Variants in TENT5D observed in about 807,000 individuals in gnomAD.
TENT5D encodes terminal nucleotidyltransferase 5D, also known as cancer/testis antigen 112.
For missense variants in TENT5D, 191 were observed against 287.0 expected, an observed-to-expected ratio of 0.67 and a Z score of 2.42; for synonymous variants, 103 against 100.6, an observed-to-expected ratio of 1.02 and a Z score of -0.15.
intron 3 of TENT5D, among the ~76,000 whole-genome samples, chrX:80,373,868 T>C (rs1930677666): frequency 9.0e-6 from 1 of 111,572 alleles, no homozygotes; most frequent in African/African-American, 3.3e-5. Context: ...CAGGGGTACA[T>C]GTGCAGGTTT....
At chrX:80,338,102 C>A (rs1208639499) in intron 2 of TENT5D, among the ~76,000 whole-genome samples, 1 of 111,896 alleles carries the variant, frequency 8.9e-6, no homozygotes, top group Non-Finnish European at 1.9e-5. Context: ...TATATTTATT[C>A]AGATTTTTTG....
chrX:80,400,959 A>G (rs1931379679), intron 3 of TENT5D, among the ~76,000 whole-genome samples: 1 of 111,685 alleles, frequency 9.0e-6, no homozygotes, highest in African/African-American at 3.3e-5. Context: ...GAAAAGTGAC[A>G]TTGGACTTTT....
intron 3 of TENT5D, among the ~76,000 whole-genome samples, chrX:80,343,983 G>T (rs373432161): frequency 9.1e-6 from 1 of 110,240 alleles, no homozygotes; most frequent in East Asian, 2.9e-4. Flanking sequence ...CCTGGTGTCG[G>T]TTTTTCCCCT....
At chrX:80,443,299 G>A in exon 3 of TENT5D, 25 of 1,211,074 alleles carry the variant, frequency 2.1e-5, no homozygotes, top group Non-Finnish European at 2.8e-5. Context: ...CTGTATGTCA[G>A]AAATCAAAAA....
chrX:80,393,124 A>G (rs2147539205), intron 3 of TENT5D, among the ~76,000 whole-genome samples: 2 of 110,369 alleles, frequency 1.8e-5, no homozygotes, highest in Non-Finnish European at 3.8e-5. Flanking sequence ...TTGGTTGAAC[A>G]TAATGTGTCT....
chrX:80,355,212 T>C (rs1470577446), intron 3 of TENT5D, among the ~76,000 whole-genome samples: 2 of 111,690 alleles, frequency 1.8e-5, no homozygotes, highest in Non-Finnish European at 3.8e-5. Context: ...GCAAAAGCAC[T>C]TTGATGGGTA....
intron 3 of TENT5D, among the ~76,000 whole-genome samples, chrX:80,378,850 A>G (rs1930790000): frequency 9.1e-6 from 1 of 109,779 alleles, no homozygotes; most frequent in Admixed American, 9.7e-5. Flanking sequence ...CTAATTGATT[A>G]CCCTTTATTT....
chrX:80,361,949 A>T (rs959057218), intron 3 of TENT5D, among the ~76,000 whole-genome samples: 1 of 111,125 alleles, frequency 9.0e-6, no homozygotes, highest in African/African-American at 3.3e-5. Context: ...ATAGTACCCA[A>T]TAGGAAGTTT....
chrX:80,342,074 T>A lies in TENT5D; in HGVS notation c.-206-426T>A, dbSNP rs748426535. On this transcript the variant is annotated intron_variant, in intron 2 of 4. Transcript: ENST00000538312. ...TGAAGATATATAGAGAAAAAATACA[T>A]ATCATTTAACCTACCATGTAACTAG... Among the ~76,000 whole-genome samples, 186 of 111,503 alleles carry A rather than the reference T, an allele frequency of 1.7e-3. 1 individual carries two copies. The highest frequency in any genetic ancestry group is 5.8e-3 in the African/African-American group (178 of 30,722).
chrX:80,380,164 G>T (rs1930828410), intron 3 of TENT5D, among the ~76,000 whole-genome samples: 2 of 109,106 alleles, frequency 1.8e-5, no homozygotes, highest in African/African-American at 6.7e-5. Flanking sequence ...TTGTGCCTTT[G>T]TTCTCATTGG....
chrX:80,408,543 A>T (rs1259648022), intron 3 of TENT5D, among the ~76,000 whole-genome samples: 2 of 109,996 alleles, frequency 1.8e-5, no homozygotes, highest in African/African-American at 6.6e-5. Context: ...CCAAGACTAA[A>T]CCAGGAAGAA....
At chrX:80,405,277 C>T (rs766356264) in intron 3 of TENT5D, among the ~76,000 whole-genome samples, 15 of 112,596 alleles carry the variant, frequency 1.3e-4, no homozygotes, top group African/African-American at 4.5e-4. Context: ...GGAACAGCTC[C>T]GGTCTACAGC....
intron 3 of TENT5D, among the ~76,000 whole-genome samples, chrX:80,343,847 T>TG (rs1308294965): frequency 5.4e-5 from 6 of 111,549 alleles, no homozygotes; most frequent in Non-Finnish European, 1.1e-4. Flanking sequence ...ATTTGTTACA[T>TG]GGGTAAATAG....
chrX:80,352,720 C>CAAAAAAAAAAAAA (rs1189877322), intron 3 of TENT5D, among the ~76,000 whole-genome samples: 2 of 19,914 alleles, frequency 1.0e-4, no homozygotes, highest in Admixed American at 6.1e-4. Flanking sequence ...AGCAAACAAA[C>CAAAAAAAAAAAAA]AAAAAAAAAA....
intron 1 of TENT5D, among the ~76,000 whole-genome samples, chrX:80,432,329 G>A (rs1392077238): frequency 9.0e-6 from 1 of 111,300 alleles, no homozygotes. Context: ...CCTCCTTCCG[G>A]CCTCACGTGA....
intron 3 of TENT5D, among the ~76,000 whole-genome samples, chrX:80,395,950 G>A (rs1931232150): frequency 9.3e-6 from 1 of 107,355 alleles, no homozygotes; most frequent in Admixed American, 1.0e-4. Flanking sequence ...AGAATCTGCA[G>A]TGTATGTTTC....
intron 1 of TENT5D, among the ~76,000 whole-genome samples, chrX:80,425,956 G>C (rs1328655175): frequency 9.0e-6 from 1 of 110,653 alleles, no homozygotes; most frequent in Non-Finnish European, 1.9e-5. Context: ...GAATCCGGGA[G>C]GCAGAGGTTG....
intron 2 of TENT5D, among the ~76,000 whole-genome samples, chrX:80,341,705 C>A (rs867433384): frequency 2.0e-5 from 2 of 100,951 alleles, no homozygotes; most frequent in Admixed American, 1.1e-4. Context: ...GAAAATAATT[C>A]TTTTCTTTTT....
At chrX:80,372,722 A>T (rs1424440717) in intron 3 of TENT5D, among the ~76,000 whole-genome samples, 2 of 109,481 alleles carry the variant, frequency 1.8e-5, no homozygotes, top group Non-Finnish European at 3.8e-5. Context: ...CCCCGTCTCT[A>T]CTAAAAATAC....
Sources: gnomAD v4.1 joint callset for allele counts (sites outside exome capture counted in the v4.1 genomes callset) on GRCh38, gnomAD v4.1.1 for gene constraint, MANE v1.5 for transcripts, NCBI Gene and HGNC (gene_info 2026-07-23, HGNC 2026-07-21) for gene names.